Variants in SENP5 observed in about 807,000 individuals in gnomAD.
SENP5 encodes sentrin-specific protease 5.
In SENP5, 21 loss-of-function variants were observed where a neutral mutation model predicts 74.2. The observed-to-expected ratio is 0.28, with a 90% CI of 0.20 to 0.41. The LOEUF is 0.41. SENP5 is among the 10% of genes least tolerant of loss of function. The pLI is 1.00. For synonymous variants in SENP5, 311 were observed against 312.7 expected (o/e 0.99, Z 0.06); for missense variants, 717 against 889.1 (o/e 0.81, Z 2.46).
intron 6 of SENP5, chr3:196,914,584 AAAATATAT>A (rs1715283022): frequency 1.7e-5 from 1 of 59,410 alleles, no homozygotes; most frequent in African/African-American, 7.9e-5. Context: ...AAAAAAAAAA[AAAATATAT>A]ATATATATAT....
chr3:196,893,909 CAA>C (rs35131152), intron 2 of SENP5, among the ~76,000 whole-genome samples: 27 of 119,896 alleles, frequency 2.3e-4, no homozygotes, highest in South Asian at 2.9e-4. Context: ...GACTCTGTCT[CAA>C]AAAAAAAAAA....
At chr3:196,923,088 A>G (rs574474066) in intron 6 of SENP5, among the ~76,000 whole-genome samples, 30 of 152,308 alleles carry the variant, frequency 2.0e-4, no homozygotes, top group Non-Finnish European at 3.7e-4. Flanking sequence ...ATTCCTTTCT[A>G]AACAAGAGTT....
intron 6 of SENP5, among the ~76,000 whole-genome samples, chr3:196,912,441 G>C (rs1475664110): frequency 6.6e-6 from 1 of 152,162 alleles, no homozygotes; most frequent in African/African-American, 2.4e-5. Flanking sequence ...GGCAAAGAGA[G>C]GGAGAGCATT....
chr3:196,885,417 A>G lies in SENP5; in HGVS notation c.236A>G (p.Lys79Arg), dbSNP rs1265282771. ...ATCAAGGATGAACCCCTTTGTGCTA[A>G]GACCAAGTTCAATGTGGCTACTCAA... ...TWIKDEPLCA[K>R]TKFNVATQNV... The change falls in exon 2 of 10, where the codon AAG (lysine) becomes AGG (arginine). Residue 79 changes from lysine to arginine, a missense_variant. Lys to Arg is a conservative substitution (Grantham distance 26). Around this residue, in one of 4 missense-constraint regions of SENP5, gnomAD observed 567 missense variants for 577.4 expected, o/e 0.98. Coordinates refer to ENST00000323460, the MANE Select transcript of SENP5 (RefSeq NM_152699.5). 1 of 1,614,206 alleles carries G rather than the reference A, an allele frequency of 6.2e-7. No homozygotes were observed. The highest frequency in any genetic ancestry group is 1.1e-5 in the South Asian group (1 of 91,080).
chr3:196,910,851 C>T (rs942285582), intron 6 of SENP5, among the ~76,000 whole-genome samples: 3 of 152,154 alleles, frequency 2.0e-5, no homozygotes, highest in Non-Finnish European at 2.9e-5. Context: ...GCCAAAACAA[C>T]GTGGTATTGG....
At chr3:196,895,379 G>C (rs1034327473) in intron 2 of SENP5, among the ~76,000 whole-genome samples, 1 of 150,742 alleles carries the variant, frequency 6.6e-6, no homozygotes, top group African/African-American at 2.4e-5. Context: ...GTAGAGACAG[G>C]GTTCCACCAT....
chr3:196,871,052 C>G (rs1713193877), intron 1 of SENP5, among the ~76,000 whole-genome samples: 1 of 151,926 alleles, frequency 6.6e-6, no homozygotes, highest in Admixed American at 6.6e-5. Context: ...CGCCTATAAT[C>G]CCAGCTACTC....
At chr3:196,909,071 AG>A (rs1207110801) in intron 6 of SENP5, among the ~76,000 whole-genome samples, 1 of 152,176 alleles carries the variant, frequency 6.6e-6, no homozygotes, top group Non-Finnish European at 1.5e-5. Flanking sequence ...AAAATGATAA[AG>A]GGGATATCAC....
At chr3:196,881,837 C>A (rs968617657) in intron 1 of SENP5, among the ~76,000 whole-genome samples, 1 of 150,484 alleles carries the variant, frequency 6.6e-6, no homozygotes, top group Non-Finnish European at 1.5e-5. Context: ...AAGAATAACA[C>A]CCTGTTCTTT....
chr3:196,885,289 CT>C lies in SENP5; in HGVS notation c.110del (p.Leu37CysfsTer4), dbSNP rs761151658. On this transcript the variant is annotated frameshift_variant, in exon 2 of 10. Transcript: ENST00000323460. LOFTEE classifies it high-confidence loss of function. Reference sequence around the variant, plus strand: ...TTAAGAAGTTTTATTTTCACCAACACTTGTGCATTCTGAAAGCTAAGCTGGG... The same window carrying C: ...TTAAGAAGTTTTATTTTCACCAACACTGTGCATTCTGAAAGCTAAGCTGGG... Reference protein sequence around the residue: ...GFKKFYFHQHLCILKAKLGRP... With the variant: ...GFKKFYFHQHXCILKAKLGRP... The C allele has an allele frequency of 1.2e-6, 2 of 1,614,134 alleles. No homozygotes were observed. The highest frequency in any genetic ancestry group is 1.7e-6 in the Non-Finnish European group (2 of 1,180,024).
chr3:196,882,014 A>C (rs940277917), intron 1 of SENP5, among the ~76,000 whole-genome samples: 1 of 149,846 alleles, frequency 6.7e-6, no homozygotes, highest in Admixed American at 6.8e-5. Context: ...CTCGTGTCTC[A>C]GCCTCCCGAG....
chr3:196,884,517 A>G (rs1372578726), intron 1 of SENP5, among the ~76,000 whole-genome samples: 11 of 152,310 alleles, frequency 7.2e-5, no homozygotes, highest in East Asian at 5.8e-4. Flanking sequence ...ACAGAAGCCA[A>G]TATTCTAATT....
At chr3:196,912,969 T>C (rs1715198476) in intron 6 of SENP5, 1 of 152,168 alleles carries the variant, frequency 6.6e-6, no homozygotes, top group African/African-American at 2.4e-5. Context: ...GCAGTTGAAA[T>C]AGAATTTAAG....
intron 9 of SENP5, 62 bp downstream of exon 9, chr3:196,929,745 G>A (rs2108869146): frequency 1.8e-6 from 2 of 1,124,914 alleles, no homozygotes; most frequent in Non-Finnish European, 2.7e-6. Context: ...GGGTTGAGAG[G>A]GGAGAGATGG....
intron 2 of SENP5, 87 bp downstream of exon 2, chr3:196,886,781 T>C: frequency 9.1e-7 from 1 of 1,103,504 alleles, no homozygotes; most frequent in Non-Finnish European, 1.3e-6. Context: ...TATTTTTTTC[T>C]CCCACTCATG....
At chr3:196,870,503 G>A (rs1713166396) in intron 1 of SENP5, among the ~76,000 whole-genome samples, 1 of 151,976 alleles carries the variant, frequency 6.6e-6, no homozygotes, top group Non-Finnish European at 1.5e-5. Context: ...AAATGATCAT[G>A]TTTATAGCAT....
chr3:196,868,541 C>A (rs1019544200), intron 1 of SENP5, among the ~76,000 whole-genome samples: 3 of 152,152 alleles, frequency 2.0e-5, no homozygotes, highest in Admixed American at 1.3e-4. Context: ...GACGTCTTTT[C>A]CCTTCGGTCT....
chr3:196,895,074 C>T (rs903966728), intron 2 of SENP5, among the ~76,000 whole-genome samples: 67 of 152,168 alleles, frequency 4.4e-4, no homozygotes, highest in African/African-American at 1.4e-3. Context: ...GCATTTCTTA[C>T]GTGCACAGCA....
chr3:196,906,527 G>A (rs1714911038), intron 6 of SENP5, among the ~76,000 whole-genome samples: 1 of 152,180 alleles, frequency 6.6e-6, no homozygotes, highest in Non-Finnish European at 1.5e-5. Flanking sequence ...GGTTAACCTA[G>A]CCTGAGGGTA....
Sources: gnomAD v4.1 joint callset for allele counts (sites outside exome capture counted in the v4.1 genomes callset) on GRCh38, gnomAD v4.1.1 for gene constraint, gnomAD v4.1.1 regional missense constraint, MANE v1.5 for transcripts, NCBI Gene and HGNC (gene_info 2026-07-23, HGNC 2026-07-21) for gene names.